The following CTNNA2 variants were observed in gnomAD, a reference collection of about 807,000 sequenced individuals.
CTNNA2 encodes the protein catenin alpha-2.
In CTNNA2, 42 loss-of-function variants were observed where a neutral mutation model predicts 101.0. That is an observed-to-expected ratio of 0.42 (90% confidence interval 0.32 to 0.54). The LOEUF is 0.54. Ranked by LOEUF, CTNNA2 falls within the 20% of genes least tolerant of loss-of-function variation. The pLI, the probability that CTNNA2 is intolerant of heterozygous loss-of-function variation, is 0.14. For synonymous variants in CTNNA2, 450 were observed against 456.4 expected (o/e 0.99, Z 0.18); for missense variants, 871 against 1,223.1 (o/e 0.71, Z 4.29).
Position 79,185,489 on chromosome 2 carries a change from C to T in CTNNA2, c.-524+58C>T, listed in dbSNP as rs548833438. The T allele has an allele frequency of 7.2e-5, 11 of 152,032 alleles. No homozygotes were observed. In the East Asian group the frequency reaches 1.5e-3, roughly 21 times the overall value. 9.4% of individuals were successfully genotyped at this position (152,032 alleles called of 1,614,324 possible). The stretch of plus-strand genomic sequence containing the variant: ...TAATTTCACCTCTGATTATGTTTTT[C>T]ATGTATCTTGGGACATTAGAATGTC... On this transcript the variant is annotated intron_variant, in intron 1 of 21. Transcript: ENST00000466387.
At chr2:79,875,049 G>A (rs939472006) in intron 6 of CTNNA2, among the ~76,000 whole-genome samples, 1 of 152,128 alleles carries the variant, frequency 6.6e-6, no homozygotes, top group Non-Finnish European at 1.5e-5. Flanking sequence ...ATCCCACACA[G>A]GACCCTGGTC....
intron 7 of CTNNA2, among the ~76,000 whole-genome samples, chr2:80,276,257 C>A (rs1380537759): frequency 6.6e-6 from 1 of 152,076 alleles, no homozygotes; most frequent in Non-Finnish European, 1.5e-5. Flanking sequence ...GCACACACCC[C>A]ACAGATAAAA....
rs184932977 is a variant in CTNNA2, at chr2:79,485,961, A to G, written c.-134-19093A>G. ...ACCTGATGATCTTTTTTGGATGACC[A>G]TCGTGTAAGTGGAGAGTAGAATCAT... On this transcript the variant is annotated intron_variant, in intron 4 of 21. Coordinates refer to the CTNNA2 transcript ENST00000466387. Among the ~76,000 whole-genome samples, 11 of 152,318 alleles carry G rather than the reference A, an allele frequency of 7.2e-5. No individual in the cohort carries two copies. The South Asian group carries it at 1.4e-3, about 20-fold the overall frequency.
At chr2:79,887,118 AG>A (rs1683940147) in intron 6 of CTNNA2, among the ~76,000 whole-genome samples, 1 of 152,106 alleles carries the variant, frequency 6.6e-6, no homozygotes, top group African/African-American at 2.4e-5. Flanking sequence ...CTCCTGGCCC[AG>A]ACTTGTGTTT....
intron 7 of CTNNA2, among the ~76,000 whole-genome samples, chr2:80,019,562 T>C (rs1261254816): frequency 1.3e-5 from 2 of 152,226 alleles, no homozygotes; most frequent in South Asian, 2.1e-4. Context: ...AAAATGTGAT[T>C]TATTTTCTTT....
chr2:80,146,203 T>C (rs1703323427), intron 7 of CTNNA2, among the ~76,000 whole-genome samples: 1 of 152,166 alleles, frequency 6.6e-6, no homozygotes, highest in South Asian at 2.1e-4. Context: ...CTATTTTGAA[T>C]TTTCCAGTTG....
intron 7 of CTNNA2, among the ~76,000 whole-genome samples, chr2:80,170,940 G>A (rs1195911673): frequency 1.3e-5 from 2 of 152,074 alleles, no homozygotes; most frequent in African/African-American, 4.8e-5. Context: ...GCCTAAACAG[G>A]GAAAAATGTT....
At chr2:79,462,842 C>T (rs1001700865) in intron 4 of CTNNA2, among the ~76,000 whole-genome samples, 2 of 152,116 alleles carry the variant, frequency 1.3e-5, no homozygotes, top group African/African-American at 4.8e-5. Context: ...AGAGTACATG[C>T]TGCCCTGTGT....
chr2:79,355,872 G>A (rs1677498027), intron 3 of CTNNA2, among the ~76,000 whole-genome samples: 1 of 151,922 alleles, frequency 6.6e-6, no homozygotes, highest in South Asian at 2.1e-4. Context: ...TCCACCATTT[G>A]GCTATTGTCA....
intron 8 of CTNNA2, among the ~76,000 whole-genome samples, chr2:80,405,274 AT>A (rs577744008): frequency 1.3e-5 from 2 of 151,972 alleles, no homozygotes; most frequent in Non-Finnish European, 1.5e-5. Flanking sequence ...TATCAAAAAG[AT>A]TTTTTTTCCG....
At chr2:79,314,568 C>CTAGAA (rs1676454821) in intron 3 of CTNNA2, among the ~76,000 whole-genome samples, 2 of 152,170 alleles carry the variant, frequency 1.3e-5, no homozygotes, top group Admixed American at 1.3e-4. Context: ...ATGAATGGCT[C>CTAGAA]CAGGTCTAGA....
chr2:79,484,433 A>C (rs895477207), intron 4 of CTNNA2, among the ~76,000 whole-genome samples: 2 of 152,196 alleles, frequency 1.3e-5, no homozygotes, highest in Admixed American at 6.5e-5. Context: ...TCTGACCTAC[A>C]CATATAGGTG....
At chr2:80,174,500 A>G (rs570891980) in intron 7 of CTNNA2, among the ~76,000 whole-genome samples, 1 of 152,110 alleles carries the variant, frequency 6.6e-6, no homozygotes, top group African/African-American at 2.4e-5. Flanking sequence ...TCATTTACAC[A>G]ATCCTAGGCC....
intron 12 of CTNNA2, 96 bp downstream of exon 12, chr2:80,555,989 G>T: frequency 1.2e-6 from 1 of 836,722 alleles, no homozygotes; most frequent in South Asian, 3.3e-5. Flanking sequence ...AGGCCTTTAT[G>T]CTTCTAAATT....
chr2:80,001,607 A>G (rs1277612779), intron 7 of CTNNA2, among the ~76,000 whole-genome samples: 1 of 152,208 alleles, frequency 6.6e-6, no homozygotes, highest in Non-Finnish European at 1.5e-5. Context: ...AAGGCCAGGA[A>G]TGTGTATGTT....
intron 7 of CTNNA2, among the ~76,000 whole-genome samples, chr2:80,362,784 C>A (rs1349663731): frequency 1.3e-5 from 2 of 151,998 alleles, no homozygotes; most frequent in African/African-American, 4.8e-5. Flanking sequence ...TGTATGAATT[C>A]TCTTGTTATC....
At chr2:80,437,025 T>C (rs1243285512) in intron 9 of CTNNA2, among the ~76,000 whole-genome samples, 1 of 152,178 alleles carries the variant, frequency 6.6e-6, no homozygotes, top group Non-Finnish European at 1.5e-5. Context: ...TCCTCATAAA[T>C]GATATTAATG....
intron 7 of CTNNA2, among the ~76,000 whole-genome samples, chr2:80,205,161 G>A (rs1340305212): frequency 1.3e-5 from 2 of 152,090 alleles, no homozygotes; most frequent in Admixed American, 1.3e-4. Context: ...GATATTCTTG[G>A]CTTTCTGACA....
At chr2:79,946,826 T>G (rs1471194353) in intron 7 of CTNNA2, among the ~76,000 whole-genome samples, 3 of 152,162 alleles carry the variant, frequency 2.0e-5, no homozygotes, top group Admixed American at 1.3e-4. Flanking sequence ...ACTTTCAGGG[T>G]CAGCACAATG....
Sources: allele counts gnomAD v4.1 joint callset (sites outside exome capture counted in the v4.1 genomes callset), GRCh38; gene constraint gnomAD v4.1.1; transcripts MANE v1.5; gene names NCBI Gene and HGNC (gene_info 2026-07-23, HGNC 2026-07-21).